Variants in FHIT observed in about 807,000 individuals in gnomAD.
FHIT encodes the protein bis(5'-adenosyl)-triphosphatase.
Under a neutral mutation model 17.9 loss-of-function variants are expected in FHIT, and 19 were observed. That is an observed-to-expected ratio of 1.06 (90% CI 0.74 to 1.56). The LOEUF (loss-of-function observed/expected upper bound fraction) is 1.56, where lower values mean the gene tolerates loss of function less well. FHIT is among the 40% of genes most tolerant of loss of function. The probability of loss-of-function intolerance (pLI) is 0.00; values close to 1 mark genes in which losing one functional copy is unlikely to be tolerated. For synonymous variants in FHIT, 81 were observed against 69.7 expected, an observed-to-expected ratio of 1.16 and a Z score of -0.81; for missense variants, 248 against 189.2, an observed-to-expected ratio of 1.31 and a Z score of -1.82.
At chr3:59,890,750 G>A (rs1703820459) in intron 8 of FHIT, among the ~76,000 whole-genome samples, 1 of 152,142 alleles carries the variant, frequency 6.6e-6, no homozygotes, top group African/African-American at 2.4e-5. Context: ...CTTTGGAAAT[G>A]CTGCTTATTA....
chr3:60,405,113 C>A (rs9875864), intron 5 of FHIT, among the ~76,000 whole-genome samples: 7,570 of 152,120 alleles, frequency 0.05, 624 homozygotes, highest in African/African-American at 0.17. Context: ...CAGGTGGAAC[C>A]CCACTTCCAA....
rs192796943 is a variant in FHIT at position 59,863,317 on chromosome 3, T to G, written c.348+59029A>C. ...GCTCACTGATGTCCCAAATAACAAG[T>G]CCTCTAAATTATTGGTGGTTTGGTC... On this transcript the variant is annotated intron_variant, in intron 8 of 9. Transcript: ENST00000492590. Among the ~76,000 whole-genome samples, 42 of 152,280 alleles carry G rather than the reference T, an allele frequency of 2.8e-4. No individual in the cohort carries two copies. In the East Asian group the frequency reaches 6.0e-3, roughly 22 times the overall value.
chr3:59,810,440 C>T (rs961919183), intron 8 of FHIT, among the ~76,000 whole-genome samples: 2 of 152,160 alleles, frequency 1.3e-5, no homozygotes, highest in African/African-American at 4.8e-5. Context: ...AGCTGGCCCC[C>T]TATCTTAATT....
intron 5 of FHIT, among the ~76,000 whole-genome samples, chr3:60,292,265 A>G (rs1279853762): frequency 6.6e-6 from 1 of 152,092 alleles, no homozygotes; most frequent in East Asian, 1.9e-4. Context: ...TCTTTTTTTA[A>G]GCAAGGCTGT....
chr3:61,231,969 G>A (rs1356371503), intron 1 of FHIT, among the ~76,000 whole-genome samples: 1 of 152,154 alleles, frequency 6.6e-6, no homozygotes, highest in Admixed American at 6.6e-5. Flanking sequence ...TGACTGTGGT[G>A]GGCTCTTAAA....
intron 5 of FHIT, among the ~76,000 whole-genome samples, chr3:60,473,359 A>G (rs372402786): frequency 7.2e-5 from 11 of 152,320 alleles, no homozygotes; most frequent in African/African-American, 1.9e-4. Context: ...AGCTCAATTA[A>G]GAACCTATTC....
chr3:60,778,656 T>C (rs1700282092), intron 4 of FHIT, among the ~76,000 whole-genome samples: 2 of 152,248 alleles, frequency 1.3e-5, no homozygotes, highest in South Asian at 4.1e-4. Flanking sequence ...CTCTGCCTGG[T>C]TCCTCTAGAA....
At chr3:60,406,970 G>C (rs1701884397) in intron 5 of FHIT, among the ~76,000 whole-genome samples, 1 of 150,872 alleles carries the variant, frequency 6.6e-6, no homozygotes, top group East Asian at 1.9e-4. Context: ...CACTTGCTAT[G>C]CATAAACCCC....
At chr3:60,927,505 C>A (rs1417020738) in intron 3 of FHIT, among the ~76,000 whole-genome samples, 1 of 151,704 alleles carries the variant, frequency 6.6e-6, no homozygotes, top group African/African-American at 2.4e-5. Context: ...TGAGGAGCAC[C>A]TCTTCCTGGC....
intron 4 of FHIT, among the ~76,000 whole-genome samples, chr3:60,715,705 G>A (rs2041666457): frequency 6.6e-6 from 1 of 151,624 alleles, no homozygotes; most frequent in South Asian, 2.1e-4. Context: ...ACACCAGCAT[G>A]GCACATGTAT....
At chr3:60,912,518 T>C (rs1406540203) in intron 3 of FHIT, among the ~76,000 whole-genome samples, 1 of 152,176 alleles carries the variant, frequency 6.6e-6, no homozygotes. Flanking sequence ...TGAGGATTAT[T>C]TTGAGCTGAA....
At chr3:60,606,410 T>A (rs1273180326) in intron 4 of FHIT, among the ~76,000 whole-genome samples, 4 of 151,862 alleles carry the variant, frequency 2.6e-5, no homozygotes, top group Non-Finnish European at 5.9e-5. Flanking sequence ...CCAGGTAATT[T>A]TTTGTGTTTT....
At chr3:60,883,486 T>C (rs1338208179) in intron 3 of FHIT, among the ~76,000 whole-genome samples, 1 of 152,076 alleles carries the variant, frequency 6.6e-6, no homozygotes, top group Admixed American at 6.5e-5. Flanking sequence ...TGATAATAAC[T>C]AAATCATCAT....
intron 3 of FHIT, among the ~76,000 whole-genome samples, chr3:60,928,066 G>C (rs527829105): frequency 7.7e-4 from 117 of 152,262 alleles, no homozygotes; most frequent in Middle Eastern, 6.8e-3. Context: ...AATGGATTAA[G>C]GGAAGTGCAA....
At chr3:59,983,629 T>C (rs551669457) in intron 7 of FHIT, among the ~76,000 whole-genome samples, 8 of 152,240 alleles carry the variant, frequency 5.3e-5, no homozygotes, top group Middle Eastern at 3.4e-3. Flanking sequence ...TTAGAATGTA[T>C]TCCCTTTAGA....
At chr3:60,821,573 T>C (rs950398692) in intron 4 of FHIT, among the ~76,000 whole-genome samples, 1 of 152,208 alleles carries the variant, frequency 6.6e-6, no homozygotes, top group Non-Finnish European at 1.5e-5. Context: ...GTAAAAATTA[T>C]TAAATATGTG....
intron 1 of FHIT, among the ~76,000 whole-genome samples, chr3:61,234,555 T>C (rs879732102): frequency 3.9e-5 from 6 of 152,184 alleles, no homozygotes; most frequent in Non-Finnish European, 8.8e-5. Context: ...AGAACAAATA[T>C]GCATGCAATA....
intron 5 of FHIT, among the ~76,000 whole-genome samples, chr3:60,100,459 T>C (rs1159769803): frequency 6.6e-6 from 1 of 152,200 alleles, no homozygotes; most frequent in African/African-American, 2.4e-5. Context: ...TCACTTGCTT[T>C]GACTCTTGGC....
chr3:60,598,908 G>T (rs1057350786), intron 4 of FHIT, among the ~76,000 whole-genome samples: 1 of 152,284 alleles, frequency 6.6e-6, no homozygotes, highest in East Asian at 1.9e-4. Flanking sequence ...GCAGTCTGGT[G>T]AAAGTGTTCT....
Sources: gnomAD v4.1 joint callset for allele counts (sites outside exome capture counted in the v4.1 genomes callset) on GRCh38, gnomAD v4.1.1 for gene constraint, MANE v1.5 for transcripts, NCBI Gene and HGNC (gene_info 2026-07-23, HGNC 2026-07-21) for gene names.